Variants in CDH18 observed in about 807,000 individuals in gnomAD.
The protein encoded by CDH18 is cadherin-18.
A neutral mutation model predicts 67.9 loss-of-function variants in CDH18; 31 were observed. The ratio of observed to expected loss-of-function variants is 0.46; its 90% CI spans 0.34 to 0.62. The LOEUF is 0.62. CDH18 is among the 20% of genes least tolerant of loss of function. The pLI, the probability that CDH18 is intolerant of heterozygous loss-of-function variation, is 0.01. For missense variants in CDH18, 890 were observed against 975.5 expected (o/e 0.91, Z 1.17); for synonymous variants, 362 against 347.2 (o/e 1.04, Z -0.48).
chr5:20,201,772 T>C (rs1158307411), intron 2 of CDH18, among the ~76,000 whole-genome samples: 1 of 152,158 alleles, frequency 6.6e-6, no homozygotes, highest in East Asian at 1.9e-4. Context: ...ATTATTTCAC[T>C]AGGAAGAAGA....
intron 2 of CDH18, among the ~76,000 whole-genome samples, chr5:20,158,276 G>C (rs1041358951): frequency 6.6e-6 from 1 of 152,022 alleles, no homozygotes; most frequent in Non-Finnish European, 1.5e-5. Context: ...ACTAAATTTT[G>C]TTTAATAGTA....
At chr5:20,146,605 A>T (rs1750663988) in intron 2 of CDH18, among the ~76,000 whole-genome samples, 1 of 112,760 alleles carries the variant, frequency 8.9e-6, no homozygotes, top group South Asian at 3.6e-4. Context: ...TAAGTACTGA[A>T]AACTAATTTT....
rs186831622 is a variant in CDH18, at chr5:20,156,028, T to C, written c.-518+99416A>G. On this transcript the variant is annotated intron_variant, in intron 2 of 14. Transcript: ENST00000507958. ...AAAGAAATGAAAACTGAAACCACAA[T>C]GAGATACCACCTCACCCCTGTCAGA... 3.3e-5 allele frequency among the ~76,000 whole-genome samples: 5 copies of C among 152,128 alleles called. No individual in the cohort carries two copies. In the East Asian group the frequency reaches 9.7e-4, roughly 29 times the overall value.
intron 6 of CDH18, among the ~76,000 whole-genome samples, chr5:19,608,768 A>G (rs1265281260): frequency 6.6e-6 from 1 of 151,846 alleles, no homozygotes; most frequent in Non-Finnish European, 1.5e-5. Flanking sequence ...ACATAATGAT[A>G]GCAAATTTCC....
intron 2 of CDH18, among the ~76,000 whole-genome samples, chr5:20,214,257 C>A (rs115747874): frequency 0.014 from 2,094 of 152,052 alleles, 23 homozygotes; most frequent in South Asian, 0.029. Context: ...ATTTAAATGG[C>A]CATACTGTCC....
At chr5:20,305,637 A>G (rs567953665) in intron 1 of CDH18, 23 of 388,962 alleles carry the variant, frequency 5.9e-5, no homozygotes, top group Middle Eastern at 8.2e-4. Context: ...CTCAAACGCC[A>G]TGTCCGGGGG....
At chr5:20,164,536 A>G (rs559397112) in intron 2 of CDH18, among the ~76,000 whole-genome samples, 1 of 152,192 alleles carries the variant, frequency 6.6e-6, no homozygotes, top group East Asian at 1.9e-4. Flanking sequence ...CGGCCTCCCA[A>G]AGTGCTAGAA....
chr5:20,550,840 G>A (rs1757593993), intron 1 of CDH18, among the ~76,000 whole-genome samples: 1 of 152,150 alleles, frequency 6.6e-6, no homozygotes, highest in Admixed American at 6.6e-5. Context: ...GCCAGCATCT[G>A]CTTCTGATGA....
chr5:20,232,357 T>C lies in CDH18; in HGVS notation c.-518+23087A>G, dbSNP rs7713288. Among the ~76,000 whole-genome samples, 794 of 152,214 alleles carry C rather than the reference T, an allele frequency of 5.2e-3. 8 individuals are homozygous for C. The highest frequency in any genetic ancestry group is 0.017 in the African/African-American group (724 of 41,556). On this transcript the variant is annotated intron_variant, in intron 2 of 14. Coordinates refer to the CDH18 transcript ENST00000507958. The stretch of plus-strand genomic sequence containing the variant: ...GAAGAGAAAGGCTGAACCTACTTAT[T>C]TGAAATAAACATAACTATGATACAT...
At chr5:20,110,933 G>A (rs945983767) in intron 2 of CDH18, among the ~76,000 whole-genome samples, 2 of 152,048 alleles carry the variant, frequency 1.3e-5, no homozygotes, top group African/African-American at 4.8e-5. Flanking sequence ...AGGCAGATTT[G>A]TCTTCTTGGC....
At chr5:20,483,864 G>C (rs917759755) in intron 1 of CDH18, among the ~76,000 whole-genome samples, 4 of 151,928 alleles carry the variant, frequency 2.6e-5, no homozygotes, top group Non-Finnish European at 5.9e-5. Flanking sequence ...GTAGAACACT[G>C]GTCTGGGCAA....
intron 2 of CDH18, among the ~76,000 whole-genome samples, chr5:20,041,220 A>C (rs1285722428): frequency 6.6e-6 from 1 of 152,172 alleles, no homozygotes; most frequent in Non-Finnish European, 1.5e-5. Context: ...GAATCATAAC[A>C]CCAATATGCT....
intron 3 of CDH18, among the ~76,000 whole-genome samples, chr5:19,812,963 A>G (rs1018369869): frequency 6.6e-6 from 1 of 152,220 alleles, no homozygotes; most frequent in Admixed American, 6.5e-5. Context: ...TGCAGCCATG[A>G]AAAAGGATGA....
At position 19,856,704 on chromosome 5, in the gene CDH18, C is replaced by CAA. The variant is rs67234901; in HGVS notation, c.-256-17464_-256-17463dup. On this transcript the variant is annotated intron_variant, in intron 2 of 12. Coordinates refer to ENST00000382275, the MANE Select transcript of CDH18 (RefSeq NM_004934.5). ...TTTGTTTTTCTATGTAAAGAGGCAG[C>CAA]AAAAAAAAAAATAAAAATCTGCAAG... Among the ~76,000 whole-genome samples, 1,167 of 148,022 alleles carry CAA rather than the reference C, an allele frequency of 7.9e-3. 9 individuals are homozygous for CAA. Among genetic ancestry groups the CAA allele is most frequent in the Non-Finnish European group, 0.011 (753 of 66,898 alleles).
intron 6 of CDH18, among the ~76,000 whole-genome samples, chr5:19,603,886 T>TA: frequency 6.6e-6 from 1 of 151,078 alleles, no homozygotes; most frequent in South Asian, 2.1e-4. Flanking sequence ...GAATTTTTTT[T>TA]ACTTTTTAAT....
chr5:19,792,172 A>G (rs1776431398), intron 3 of CDH18, among the ~76,000 whole-genome samples: 1 of 152,114 alleles, frequency 6.6e-6, no homozygotes, highest in African/African-American at 2.4e-5. Flanking sequence ...ATAGAGTAAA[A>G]AAGATCCCCC....
chr5:19,480,405 C>T (rs1739215838), intron 12 of CDH18, among the ~76,000 whole-genome samples: 1 of 150,444 alleles, frequency 6.6e-6, no homozygotes, highest in South Asian at 2.1e-4. Context: ...GAGATGGAGT[C>T]TCACTCTGTC....
At chr5:19,776,773 A>G (rs1774433165) in intron 3 of CDH18, among the ~76,000 whole-genome samples, 1 of 152,202 alleles carries the variant, frequency 6.6e-6, no homozygotes, top group African/African-American at 2.4e-5. Flanking sequence ...GGAGTGTGGT[A>G]TCTTTGTAAC....
chr5:19,895,481 T>G (rs1293191089), intron 2 of CDH18, among the ~76,000 whole-genome samples: 1 of 152,136 alleles, frequency 6.6e-6, no homozygotes, highest in Non-Finnish European at 1.5e-5. Context: ...TCCCAGCAGT[T>G]CCAAACGACC....
Sources: gnomAD v4.1 joint callset for allele counts (sites outside exome capture counted in the v4.1 genomes callset) on GRCh38, gnomAD v4.1.1 for gene constraint, MANE v1.5 for transcripts, NCBI Gene and HGNC (gene_info 2026-07-23, HGNC 2026-07-21) for gene names.